KIF13A: variants seen among roughly 807,000 people sequenced by gnomAD.
KIF13A encodes the protein kinesin-like protein KIF13A.
A neutral mutation model predicts 212.2 loss-of-function variants in KIF13A; 79 were observed. That is an observed-to-expected ratio of 0.37 (90% CI 0.31 to 0.45). The LOEUF (loss-of-function observed/expected upper bound fraction) is 0.45. Ranked by LOEUF, KIF13A falls within the 20% of genes least tolerant of loss-of-function variation. The pLI is 1.00. For synonymous variants in KIF13A, 789 were observed against 808.6 expected (o/e 0.98, Z 0.41); for missense variants, 1,901 against 2,209.0 (o/e 0.86, Z 2.79).
At position 17,898,316 on chromosome 6, in the gene KIF13A, T is replaced by C. The variant is rs1187141340; in HGVS notation, c.147-136A>G. 243 of 785,412 alleles carry C rather than the reference T, an allele frequency of 3.1e-4. No individual in the cohort carries two copies. Among genetic ancestry groups the C allele is most frequent in the Non-Finnish European group, 4.1e-5 (20 of 490,000 alleles). 48.7% of individuals were successfully genotyped at this position (785,412 alleles called of 1,614,324 possible). ...CCTTGATAACATGATCTGAAAGATA[T>C]TCTTCTTCATGAAGATCAGAAGCCA... On this transcript the variant is annotated intron_variant, in intron 2 of 38. Coordinates refer to ENST00000259711, the MANE Select transcript of KIF13A (RefSeq NM_022113.6). This position sits in a 1 kb window ranked among gnomAD's most constrained non-coding sequence, Gnocchi z 5.2.
intron 2 of KIF13A, among the ~76,000 whole-genome samples, chr6:17,930,792 A>G (rs748681694): frequency 2.0e-5 from 3 of 152,242 alleles, no homozygotes; most frequent in Non-Finnish European, 2.9e-5. Context: ...TTTCTCAAGC[A>G]TGAGTTCACT....
chr6:17,974,317 A>C (rs563386545), intron 2 of KIF13A, among the ~76,000 whole-genome samples: 13 of 152,188 alleles, frequency 8.5e-5, no homozygotes, highest in African/African-American at 2.9e-4. Flanking sequence ...TGACCTCATG[A>C]TCTGCCCACC....
intron 31 of KIF13A, 103 bp downstream of exon 31, chr6:17,780,627 T>G (rs889509309): frequency 2.8e-6 from 3 of 1,066,212 alleles, no homozygotes; most frequent in Non-Finnish European, 4.1e-6. Flanking sequence ...AGGATGGTCA[T>G]GTTTTGCACA....
chr6:17,793,364 G>T (rs1366860186), intron 25 of KIF13A, among the ~76,000 whole-genome samples: 1 of 152,050 alleles, frequency 6.6e-6, no homozygotes, highest in Non-Finnish European at 1.5e-5. Context: ...TTACAGGCAT[G>T]AGCAACCGCG....
At chr6:17,770,623 G>A (rs774142104) in intron 38 of KIF13A, 7 of 162,816 alleles carry the variant, frequency 4.3e-5, no homozygotes, top group Non-Finnish European at 9.1e-5. Context: ...GACGATGAAG[G>A]GTGATTATGA....
chr6:17,855,933 A>C lies in KIF13A; in HGVS notation c.313+97T>G. On this transcript the variant is annotated intron_variant, in intron 5 of 38. Coordinates refer to ENST00000259711, the MANE Select transcript of KIF13A (RefSeq NM_022113.6). This position sits in a 1 kb window ranked among gnomAD's most constrained non-coding sequence, Gnocchi z 4.1. ...ACTATGTTGCCCAGGCTGGTCTCAA[A>C]CTCCTGGGCTCAGGAGATCCTCCCA... 1 of 839,818 alleles carries C rather than the reference A, an allele frequency of 1.2e-6. No individual in the cohort carries two copies. The highest frequency in any genetic ancestry group is 1.9e-6 in the Non-Finnish European group (1 of 518,714). The allele number at this position is 839,818 out of a possible 1,614,324, so 52.0% of individuals were successfully genotyped here.
rs148016330 is a variant in KIF13A, at chr6:17,975,561, C to T, written c.146+11493G>A. On this transcript the variant is annotated intron_variant, in intron 2 of 38. Transcript: ENST00000259711. ...AAAGACCAAAAGAAAAAAAAGCTTC[C>T]AGTACAGAACAAAACGCGAACAAGT... 3.1e-3 allele frequency among the ~76,000 whole-genome samples: 478 copies of T among 152,256 alleles called. 1 individual carries two copies. In the Middle Eastern group the frequency reaches 0.034, roughly 11 times the overall value.
chr6:17,764,876 G>A lies in KIF13A; in HGVS notation c.4652C>T (p.Pro1551Leu). 2 of 1,613,872 alleles carry A rather than the reference G, an allele frequency of 1.2e-6. No individual in the cohort carries two copies. The highest frequency in any genetic ancestry group is 1.7e-6 in the Non-Finnish European group (2 of 1,179,826). The change falls in exon 39 of 39, where the codon CCT becomes CTT. Residue 1551 changes from proline (P) to leucine (L), a missense_variant. Physicochemically the swap from Pro to Leu is moderately conservative, Grantham distance 98 (BLOSUM62 -3). Transcript: ENST00000259711. The surrounding 1 kb of genome is among the most constrained non-coding windows in gnomAD (Gnocchi z 5.1). ...RKLISSQPYV[P>L]VEFADFSVYN... ...AACACTGAAGTCAGCAAACTCCACA[G>A]GTACATAAGGCTGTGAACTTATTAG...
rs759133728 is a variant in KIF13A, at chr6:17,886,380, A to C, written c.159+11788T>G. On this transcript the variant is annotated intron_variant, in intron 3 of 38. Transcript: ENST00000259711. This position sits in a 1 kb window ranked among gnomAD's most constrained non-coding sequence, Gnocchi z 5.6. ...GACCTGAGGCAGTCCAGGGGTTGCA[A>C]ACATTTACTCCCAGTTAAGTTACGC... Among the ~76,000 whole-genome samples, 11 of 152,158 alleles carry C rather than the reference A, an allele frequency of 7.2e-5. No homozygotes were observed. The highest frequency in any genetic ancestry group is 1.6e-4 in the Non-Finnish European group (11 of 68,036).
chr6:17,889,590 C>T (rs1273611080), intron 3 of KIF13A, among the ~76,000 whole-genome samples: 1 of 152,166 alleles, frequency 6.6e-6, no homozygotes, highest in Non-Finnish European at 1.5e-5. Flanking sequence ...TTCCTTATAT[C>T]TTGGCACATA....
At position 17,789,535 on chromosome 6, in the gene KIF13A, GTTAA is replaced by G. The variant is rs1035179151; in HGVS notation, c.3261+333_3261+336del. On this transcript the variant is annotated intron_variant, in intron 26 of 38. Transcript: ENST00000259711. The surrounding 1 kb of genome is among the most constrained non-coding windows in gnomAD (Gnocchi z 4.8). ...ATCCATTTTTTAAATTAATTAATTA[GTTAA>G]TTAATTTGCAGGAGACAGGAGTTTT... Among the ~76,000 whole-genome samples, 2 of 151,930 alleles carry G rather than the reference GTTAA, an allele frequency of 1.3e-5. No homozygotes were observed. The highest frequency in any genetic ancestry group is 2.9e-5 in the Non-Finnish European group (2 of 68,004).
At chr6:17,965,418 A>G (rs1779217688) in intron 2 of KIF13A, among the ~76,000 whole-genome samples, 2 of 152,200 alleles carry the variant, frequency 1.3e-5, no homozygotes, top group Admixed American at 6.5e-5. Flanking sequence ...ATATGATTCA[A>G]ATCTCCTACA....
intron 3 of KIF13A, among the ~76,000 whole-genome samples, chr6:17,879,478 A>G (rs1333773576): frequency 1.3e-5 from 2 of 152,182 alleles, no homozygotes; most frequent in Non-Finnish European, 2.9e-5. Context: ...TTTCACATGC[A>G]TGGTTTGGGG....
chr6:17,759,382 A>G (rs560945600), downstream of KIF13A: 1 of 152,296 alleles, frequency 6.6e-6, no homozygotes, highest in South Asian at 2.1e-4. Flanking sequence ...GACAATAGTA[A>G]AATACTACAG....
intron 9 of KIF13A, among the ~76,000 whole-genome samples, chr6:17,842,000 C>T (rs372329537): frequency 0.02 from 2,878 of 143,824 alleles, 57 homozygotes; most frequent in Middle Eastern, 0.056. Context: ...TATACACATA[C>T]GTGTGTGTGT....
In KIF13A at chr6:17,820,842, G is replaced by C. The variant is rs1764368132; in HGVS notation, c.1787-3609C>G. 2.0e-5 allele frequency among the ~76,000 whole-genome samples: 3 copies of C among 152,204 alleles called. No homozygotes were observed. In the South Asian group the frequency reaches 6.2e-4, roughly 32 times the overall value. On this transcript the variant is annotated intron_variant, in intron 16 of 38. Coordinates refer to ENST00000259711, the MANE Select transcript of KIF13A (RefSeq NM_022113.6). Reference sequence around the variant, plus strand: ...CAAGAATGGAAAAGAAAAAATGGCGGTGGTAGTGGTGCTGGTAGCAGGGTA... The same window carrying C: ...CAAGAATGGAAAAGAAAAAATGGCGCTGGTAGTGGTGCTGGTAGCAGGGTA...
intron 2 of KIF13A, among the ~76,000 whole-genome samples, chr6:17,909,644 C>A (rs191537022): frequency 1.2e-4 from 19 of 152,142 alleles, no homozygotes; most frequent in African/African-American, 4.6e-4. Context: ...CCTGTAATCC[C>A]GGCACGTTGG....
intron 2 of KIF13A, among the ~76,000 whole-genome samples, chr6:17,974,217 G>T (rs573463791): frequency 6.6e-6 from 1 of 152,270 alleles, no homozygotes; most frequent in African/African-American, 2.4e-5. Context: ...GAGTAGCTGG[G>T]ATTACAGGCA....
At chr6:17,846,031 G>C (rs1767001374) in intron 9 of KIF13A, among the ~76,000 whole-genome samples, 1 of 140,146 alleles carries the variant, frequency 7.1e-6, no homozygotes, top group Non-Finnish European at 1.5e-5. Flanking sequence ...CTTTAGTTTT[G>C]GAACTCAACC....
Sources: gnomAD v4.1 joint callset for allele counts (sites outside exome capture counted in the v4.1 genomes callset) on GRCh38, gnomAD v4.1.1 for gene constraint, Gnocchi (gnomAD v3.1) non-coding constraint, MANE v1.5 for transcripts, NCBI Gene and HGNC (gene_info 2026-07-23, HGNC 2026-07-21) for gene names.